Variants in NOX4 observed in about 807,000 individuals in gnomAD.
The protein encoded by NOX4 is kidney oxidase-1.
A neutral mutation model predicts 87.6 loss-of-function variants in NOX4; 69 were observed. That is an observed-to-expected ratio of 0.79 (90% CI 0.65 to 0.96). The LOEUF is 0.96. Among genes scored for constraint, NOX4 ranks in the 40% least tolerant of loss-of-function variants. NOX4 has a pLI of 0.00. For synonymous variants in NOX4, 275 were observed against 238.2 expected, an observed-to-expected ratio of 1.15 and a Z score of -1.42; for missense variants, 680 against 681.5, an observed-to-expected ratio of 1.00 and a Z score of 0.02.
intron 17 of NOX4, among the ~76,000 whole-genome samples, chr11:89,332,074 G>T (rs1294322101): frequency 6.6e-6 from 1 of 151,782 alleles, no homozygotes; most frequent in Admixed American, 6.6e-5. Flanking sequence ...TGGTTTGGGG[G>T]TAGACATTAG....
the NOX4 span, among the ~76,000 whole-genome samples, chr11:89,585,111 C>T: frequency 1.3e-5 from 2 of 152,064 alleles, no homozygotes; most frequent in South Asian, 2.1e-4. Context: ...TAGCTTACAC[C>T]GGCGCTTATA....
chr11:89,542,233 A>ATTCTGC, the NOX4 span, among the ~76,000 whole-genome samples: 1 of 152,236 alleles, frequency 6.6e-6, no homozygotes, highest in Non-Finnish European at 1.5e-5. Flanking sequence ...CTGAAGATTG[A>ATTCTGC]TTCTGCTTCC....
At chr11:89,453,331 T>G (rs1945050618) in intron 2 of NOX4, among the ~76,000 whole-genome samples, 1 of 152,188 alleles carries the variant, frequency 6.6e-6, no homozygotes, top group Admixed American at 6.6e-5. Flanking sequence ...CTTATTTCAC[T>G]TAGCATAACA....
chr11:89,327,948 A>G (rs1214199855), intron 17 of NOX4, among the ~76,000 whole-genome samples: 2 of 152,198 alleles, frequency 1.3e-5, no homozygotes, highest in Admixed American at 1.3e-4. Context: ...AATAGGTAGC[A>G]TGGAACTATG....
At chr11:89,453,430 T>G (rs1486180053) in intron 2 of NOX4, among the ~76,000 whole-genome samples, 2 of 152,312 alleles carry the variant, frequency 1.3e-5, no homozygotes, top group East Asian at 1.9e-4. Context: ...TGACTCTGTC[T>G]TAGGAGGAGG....
At position 89,432,876 on chromosome 11, in the gene NOX4, TAGGTTTTTA is replaced by T; in HGVS notation, c.476-29_476-21del. ...CAGGAACTATAAAAATGTATACAAGTAGGTTTTTACTTAAATCATAGTGAGAAAAAAATA... is the reference window on the plus strand; with the variant it reads ...CAGGAACTATAAAAATGTATACAAGTCTTAAATCATAGTGAGAAAAAAATA... On this transcript the variant is annotated intron_variant, in intron 6 of 17. Coordinates refer to ENST00000263317, the MANE Select transcript of NOX4 (RefSeq NM_016931.5). The T allele has an allele frequency of 6.4e-7, 1 of 1,556,234 alleles. No individual in the cohort carries two copies. Among genetic ancestry groups the T allele is most frequent in the African/African-American group, 1.4e-5 (1 of 73,572 alleles).
chr11:89,578,396 G>T, the NOX4 span, among the ~76,000 whole-genome samples: 1 of 152,142 alleles, frequency 6.6e-6, no homozygotes, highest in East Asian at 1.9e-4. Context: ...TCTTGACCTC[G>T]TGATCCTCCT....
chr11:89,379,645 C>A (rs868582737), intron 11 of NOX4, among the ~76,000 whole-genome samples: 11 of 152,132 alleles, frequency 7.2e-5, no homozygotes, highest in Non-Finnish European at 1.2e-4. Flanking sequence ...TCAGAACCTC[C>A]TCTCCAACCC....
chr11:89,527,361 G>A, the NOX4 span, among the ~76,000 whole-genome samples: 1 of 152,186 alleles, frequency 6.6e-6, no homozygotes, highest in African/African-American at 2.4e-5. Context: ...CATTTTCTGA[G>A]GAGAAATTCA....
At chr11:89,348,273 G>A (rs148097335) in intron 13 of NOX4, among the ~76,000 whole-genome samples, 1 of 152,020 alleles carries the variant, frequency 6.6e-6, no homozygotes, top group East Asian at 1.9e-4. Context: ...AAATTAGCTG[G>A]GCATGGTAGC....
At chr11:89,467,551 G>A (rs746144534) in intron 2 of NOX4, among the ~76,000 whole-genome samples, 22 of 151,972 alleles carry the variant, frequency 1.4e-4, no homozygotes, top group Non-Finnish European at 2.8e-4. Flanking sequence ...TCTGGTTAGG[G>A]CCCACTTCCT....
At chr11:89,546,459 A>G in the NOX4 span, among the ~76,000 whole-genome samples, 1 of 152,254 alleles carries the variant, frequency 6.6e-6, no homozygotes, top group African/African-American at 2.4e-5. Context: ...TTGCAGGATA[A>G]GAGCTGGGAC....
chr11:89,412,771 A>G (rs1411544890), intron 8 of NOX4, among the ~76,000 whole-genome samples: 3 of 152,098 alleles, frequency 2.0e-5, no homozygotes, highest in Non-Finnish European at 4.4e-5. Context: ...TGGACTGGGC[A>G]AAGATTTCTT....
chr11:89,357,200 A>G (rs150207759), intron 12 of NOX4, among the ~76,000 whole-genome samples: 5 of 146,806 alleles, frequency 3.4e-5, no homozygotes, highest in East Asian at 2.0e-4. Flanking sequence ...TCAGAGATAC[A>G]TAACTGGCTT....
At chr11:89,363,059 G>T (rs1283801194) in intron 12 of NOX4, among the ~76,000 whole-genome samples, 4 of 151,970 alleles carry the variant, frequency 2.6e-5, no homozygotes, top group African/African-American at 9.7e-5. Flanking sequence ...TTTTGTAATT[G>T]CATTCTAAAT....
At chr11:89,422,088 T>A in intron 7 of NOX4, 106 bp from the exon 8 acceptor site, 1 of 599,344 alleles carries the variant, frequency 1.7e-6, no homozygotes, top group Non-Finnish European at 2.8e-6. Context: ...TTAAAAAAGC[T>A]AAAACATGAG....
At chr11:89,427,326 C>T (rs371616479) in intron 7 of NOX4, among the ~76,000 whole-genome samples, 11 of 152,286 alleles carry the variant, frequency 7.2e-5, no homozygotes, top group African/African-American at 2.6e-4. Flanking sequence ...CTCTCCCCCT[C>T]CAAAGGAACG....
chr11:89,565,999 T>C, the NOX4 span, among the ~76,000 whole-genome samples: 1 of 152,004 alleles, frequency 6.6e-6, no homozygotes, highest in East Asian at 1.9e-4. Flanking sequence ...GACAGCTGCA[T>C]CTCTGTATAT....
intron 8 of NOX4, among the ~76,000 whole-genome samples, chr11:89,403,397 A>G (rs921898155): frequency 6.6e-6 from 1 of 152,186 alleles, no homozygotes; most frequent in Non-Finnish European, 1.5e-5. Context: ...AGTATATTTT[A>G]TTATTTTAAA....
Sources: allele counts gnomAD v4.1 joint callset (sites outside exome capture counted in the v4.1 genomes callset), GRCh38; gene constraint gnomAD v4.1.1; transcripts MANE v1.5; gene names NCBI Gene and HGNC (gene_info 2026-07-23, HGNC 2026-07-21).